The following UVRAG variants were observed in gnomAD, a reference collection of about 807,000 sequenced individuals.
UVRAG encodes the protein UV radiation resistance associated.
In UVRAG, 19 loss-of-function variants were observed where a neutral mutation model predicts 78.0. The ratio of observed to expected loss-of-function variants is 0.24; its 90% CI spans 0.17 to 0.36. The LOEUF is 0.36. Ranked by LOEUF, UVRAG falls within the 10% of genes least tolerant of loss-of-function variation. UVRAG has a pLI of 1.00. For missense variants in UVRAG, 740 were observed against 853.8 expected (o/e 0.87, Z 1.66); for synonymous variants, 323 against 324.6 (o/e 1.00, Z 0.05).
At chr11:75,997,257 CTG>C (rs1949725276) in intron 8 of UVRAG, among the ~76,000 whole-genome samples, 2 of 152,196 alleles carry the variant, frequency 1.3e-5, no homozygotes, top group South Asian at 4.1e-4. Flanking sequence ...TTGGTTTTAA[CTG>C]TAATTTTGAC....
In UVRAG at chr11:76,141,223, G is replaced by T; in HGVS notation, c.1910G>T (p.Gly637Val). ...GTGGAGCAAGCAGAAGAAATCATCGGGCTGGAAGCCACAGGTTTCGCCTCA... is the reference window on the plus strand; with the variant it reads ...GTGGAGCAAGCAGAAGAAATCATCGTGCTGGAAGCCACAGGTTTCGCCTCA... The part of the protein sequence containing the change: ...CTVEQAEEII[G>V]LEATGFASGD... The change falls in exon 15 of 15, where the codon GGG becomes GTG. Residue 637 changes from glycine (G) to valine (V), a missense_variant. By Grantham distance (109) the Gly-to-Val change is moderately radical. Transcript: ENST00000356136. 6.2e-7 allele frequency: 1 copy of T among 1,614,112 alleles called. No homozygotes were observed. Among genetic ancestry groups the T allele is most frequent in the South Asian group, 1.1e-5 (1 of 91,076 alleles).
chr11:75,923,044 T>A (rs1251369153), intron 6 of UVRAG, among the ~76,000 whole-genome samples: 1 of 148,796 alleles, frequency 6.7e-6, no homozygotes, highest in Non-Finnish European at 1.5e-5. Flanking sequence ...CTTTTTCTTT[T>A]TCTTTTTGAG....
At chr11:76,090,245 G>A (rs959581677) in intron 13 of UVRAG, among the ~76,000 whole-genome samples, 1 of 152,144 alleles carries the variant, frequency 6.6e-6, no homozygotes, top group Admixed American at 6.5e-5. Flanking sequence ...ACCTTTTGAT[G>A]TACAGGGCCT....
At chr11:76,103,120 GCCCTTCTCATA>G (rs1286238355) in intron 13 of UVRAG, among the ~76,000 whole-genome samples, 1 of 152,168 alleles carries the variant, frequency 6.6e-6, no homozygotes, top group African/African-American at 2.4e-5. Flanking sequence ...GTCCCATCAA[GCCCTTCTCATA>G]CTTTGAATCT....
intron 1 of UVRAG, among the ~76,000 whole-genome samples, chr11:75,839,703 T>C (rs781631974): frequency 2.0e-4 from 31 of 151,852 alleles, no homozygotes; most frequent in Non-Finnish European, 4.1e-4. Flanking sequence ...CTTTAAACCA[T>C]TTTTATTGTG....
At chr11:75,981,703 A>T (rs144660472) in intron 7 of UVRAG, among the ~76,000 whole-genome samples, 1 of 151,946 alleles carries the variant, frequency 6.6e-6, no homozygotes, top group Non-Finnish European at 1.5e-5. Flanking sequence ...CTCTTTTGGT[A>T]TAGTTACACA....
intron 7 of UVRAG, among the ~76,000 whole-genome samples, chr11:75,967,475 C>CAA (rs1199495985): frequency 6.6e-6 from 1 of 152,072 alleles, no homozygotes; most frequent in African/African-American, 2.4e-5. Context: ...ACAGCTGCCA[C>CAA]AATTTTAAAA....
At chr11:76,030,304 A>T (rs1950411319) in intron 12 of UVRAG, among the ~76,000 whole-genome samples, 1 of 152,114 alleles carries the variant, frequency 6.6e-6, no homozygotes, top group Non-Finnish European at 1.5e-5. Context: ...AAATGCTGGG[A>T]TTACAGCTGT....
At chr11:76,078,389 C>A (rs1196477831) in intron 13 of UVRAG, among the ~76,000 whole-genome samples, 1 of 151,956 alleles carries the variant, frequency 6.6e-6, no homozygotes. Flanking sequence ...TGTGGATAGA[C>A]CCATATCATA....
chr11:76,114,805 A>AG (rs1181082246), intron 13 of UVRAG, among the ~76,000 whole-genome samples: 2 of 152,204 alleles, frequency 1.3e-5, no homozygotes, highest in African/African-American at 4.8e-5. Context: ...CTTACTCTGA[A>AG]GGCCTGCTTT....
chr11:76,084,461 T>C (rs1190921135), intron 13 of UVRAG, among the ~76,000 whole-genome samples: 1 of 152,202 alleles, frequency 6.6e-6, no homozygotes, highest in Non-Finnish European at 1.5e-5. Context: ...ATTTTTATTC[T>C]CTTTCCCTGC....
intron 2 of UVRAG, among the ~76,000 whole-genome samples, chr11:75,852,905 A>ATATT (rs909273346): frequency 8.6e-5 from 13 of 152,040 alleles, no homozygotes; most frequent in African/African-American, 2.7e-4. Context: ...AATTCAAGTG[A>ATATT]TATTTATTTA....
intron 13 of UVRAG, among the ~76,000 whole-genome samples, chr11:76,066,793 C>G (rs1242055865): frequency 6.6e-6 from 1 of 152,178 alleles, no homozygotes; most frequent in Non-Finnish European, 1.5e-5. Context: ...TTATAAATAA[C>G]AAGTGTTTTG....
At chr11:76,134,763 G>A (rs940282912) in intron 14 of UVRAG, among the ~76,000 whole-genome samples, 2 of 152,280 alleles carry the variant, frequency 1.3e-5, no homozygotes, top group South Asian at 4.1e-4. Flanking sequence ...TCCTGCCAAC[G>A]ATTTTAAGCA....
intron 3 of UVRAG, among the ~76,000 whole-genome samples, chr11:75,871,446 A>AT (rs1329006311): frequency 7.3e-5 from 11 of 150,338 alleles, no homozygotes; most frequent in Middle Eastern, 6.8e-3. Context: ...TACCAGGCTA[A>AT]TTTTTTTTTG....
intron 13 of UVRAG, among the ~76,000 whole-genome samples, chr11:76,099,195 A>G (rs1456044089): frequency 1.3e-5 from 2 of 152,218 alleles, no homozygotes; most frequent in African/African-American, 4.8e-5. Flanking sequence ...TCTATTAACT[A>G]CCACACACTT....
chr11:75,907,499 ATCCT>A (rs1056131959), intron 5 of UVRAG, among the ~76,000 whole-genome samples: 3 of 150,916 alleles, frequency 2.0e-5, no homozygotes, highest in Non-Finnish European at 4.4e-5. Context: ...TATTACACTG[ATCCT>A]TCCTTCCTTC....
chr11:76,074,552 G>C (rs1000344231), intron 13 of UVRAG, among the ~76,000 whole-genome samples: 1 of 152,162 alleles, frequency 6.6e-6, no homozygotes, highest in African/African-American at 2.4e-5. Flanking sequence ...AATGGCTTTG[G>C]AGTGTGTATT....
chr11:76,096,642 G>T (rs574708353), intron 13 of UVRAG, among the ~76,000 whole-genome samples: 6 of 152,276 alleles, frequency 3.9e-5, no homozygotes, highest in African/African-American at 1.4e-4. Context: ...CTGTGGAACC[G>T]TAAAACCCGA....
Sources: allele counts gnomAD v4.1 joint callset (sites outside exome capture counted in the v4.1 genomes callset), GRCh38; gene constraint gnomAD v4.1.1; transcripts MANE v1.5; gene names NCBI Gene and HGNC (gene_info 2026-07-23, HGNC 2026-07-21).